FOXP2: variants seen among roughly 807,000 people sequenced by gnomAD.
The protein encoded by FOXP2 is forkhead box protein P2.
A neutral mutation model predicts 115.8 loss-of-function variants in FOXP2; 12 were observed. The observed-to-expected ratio is 0.10, with a 90% CI of 0.07 to 0.17. The LOEUF is 0.17. Among genes scored for constraint, FOXP2 ranks in the 10% least tolerant of loss-of-function variants. FOXP2 has a pLI of 1.00. For synonymous variants in FOXP2, 328 were observed against 297.7 expected (o/e 1.10, Z -1.05); for missense variants, 629 against 843.5 (o/e 0.75, Z 3.15).
At chr7:114,419,141 T>A (rs1385471428) in intron 1 of FOXP2, among the ~76,000 whole-genome samples, 1 of 151,980 alleles carries the variant, frequency 6.6e-6, no homozygotes, top group Non-Finnish European at 1.5e-5. Flanking sequence ...GGTATATGTA[T>A]GTCAAGTATA....
At chr7:114,610,651 C>T (rs1252655747) in intron 3 of FOXP2, among the ~76,000 whole-genome samples, 2 of 151,828 alleles carry the variant, frequency 1.3e-5, no homozygotes, top group Non-Finnish European at 2.9e-5. Context: ...CGCCCAGTAA[C>T]TGCTAAGAGG....
At chr7:114,330,569 A>G (rs117714788) in intron 2 of FOXP2, among the ~76,000 whole-genome samples, 8,921 of 151,044 alleles carry the variant, frequency 0.059, 335 homozygotes, top group Middle Eastern at 0.15. Context: ...ATATGCATCT[A>G]TTTGTATGAG....
chr7:114,389,977 T>G (rs1386462687), intron 2 of FOXP2, among the ~76,000 whole-genome samples: 2 of 134,830 alleles, frequency 1.5e-5, no homozygotes, highest in Non-Finnish European at 3.0e-5. Flanking sequence ...ATAGCTGAGA[T>G]CGGACCACTG....
chr7:114,462,366 CTTTT>C (rs1170387045), intron 2 of FOXP2, among the ~76,000 whole-genome samples: 3 of 89,286 alleles, frequency 3.4e-5, no homozygotes, highest in Non-Finnish European at 4.2e-5. Context: ...AGCATAATAT[CTTTT>C]TTTTTTTTTT....
chr7:114,444,432 T>G (rs1163218253), intron 2 of FOXP2, among the ~76,000 whole-genome samples: 1 of 152,216 alleles, frequency 6.6e-6, no homozygotes, highest in Admixed American at 6.5e-5. Flanking sequence ...ACAAGTGTGG[T>G]GGTGATTTTT....
intron 2 of FOXP2, among the ~76,000 whole-genome samples, chr7:114,481,762 CTCTATCTA>C (rs3028214): frequency 0.014 from 1,971 of 145,364 alleles, 22 homozygotes; most frequent in African/African-American, 0.029. Flanking sequence ...CATATGGAAA[CTCTATCTA>C]TCTATCTATC....
intron 3 of FOXP2, among the ~76,000 whole-genome samples, chr7:114,582,412 G>A (rs1801916138): frequency 6.6e-6 from 1 of 152,154 alleles, no homozygotes; most frequent in Non-Finnish European, 1.5e-5. Flanking sequence ...GACAAATCAT[G>A]TAAAATAAGG....
At chr7:114,454,988 G>A (rs893492688) in intron 2 of FOXP2, among the ~76,000 whole-genome samples, 7 of 148,932 alleles carry the variant, frequency 4.7e-5, no homozygotes, top group Non-Finnish European at 1.0e-4. Context: ...CCTGCACAAT[G>A]TGCACATGTA....
intron 2 of FOXP2, among the ~76,000 whole-genome samples, chr7:114,524,357 T>C (rs1221535482): frequency 6.6e-6 from 1 of 152,210 alleles, no homozygotes; most frequent in African/African-American, 2.4e-5. Flanking sequence ...TTGTTCTAGT[T>C]GGCATAACTA....
At chr7:114,255,146 T>C (rs1420921852) in intron 1 of FOXP2, among the ~76,000 whole-genome samples, 3 of 152,150 alleles carry the variant, frequency 2.0e-5, no homozygotes, top group Admixed American at 2.0e-4. Context: ...TGGTTTTTCC[T>C]CTAGAAGCCT....
intron 2 of FOXP2, among the ~76,000 whole-genome samples, chr7:114,300,491 T>G (rs1269423904): frequency 6.6e-6 from 1 of 152,012 alleles, no homozygotes; most frequent in Non-Finnish European, 1.5e-5. Flanking sequence ...TTATTTCAAC[T>G]TTGTTCATCA....
chr7:114,670,004 CTT>C (rs1807407201), intron 16 of FOXP2: 2 of 151,974 alleles, frequency 1.3e-5, no homozygotes, highest in African/African-American at 4.8e-5. Context: ...GTATGGAGTG[CTT>C]TACTCACAAA....
At chr7:114,314,509 A>G (rs908504546) in intron 2 of FOXP2, among the ~76,000 whole-genome samples, 10 of 152,104 alleles carry the variant, frequency 6.6e-5, no homozygotes, top group Admixed American at 5.9e-4. Context: ...ACATAGTTCA[A>G]TTGGATGAAA....
At chr7:114,156,936 A>G (rs574613425) in intron 1 of FOXP2, among the ~76,000 whole-genome samples, 1 of 152,298 alleles carries the variant, frequency 6.6e-6, no homozygotes, top group South Asian at 2.1e-4. Context: ...CTATCTCAGT[A>G]TAGATTGTCT....
At chr7:114,429,874 C>T (rs1215724140) in intron 2 of FOXP2, among the ~76,000 whole-genome samples, 1 of 151,638 alleles carries the variant, frequency 6.6e-6, no homozygotes, top group Non-Finnish European at 1.5e-5. Context: ...ACATTTGTGT[C>T]TTAAAAGCAT....
At position 114,478,290 on chromosome 7, in the gene FOXP2, G is replaced by C. The variant is rs533952594; in HGVS notation, c.168+51611G>C. ...TTGGGGCCTCTTGGATCTCTTTTAG[G>C]GCCAAGCAAATCAAAGTATTTATTG... is the stretch of plus-strand genomic sequence containing the variant. On this transcript the variant is annotated intron_variant, in intron 2 of 16. Coordinates refer to ENST00000350908, the MANE Select transcript of FOXP2 (RefSeq NM_014491.4). Among the ~76,000 whole-genome samples, 11 of 151,720 alleles carry C rather than the reference G, an allele frequency of 7.3e-5. No individual in the cohort carries two copies. The East Asian group carries it at 2.1e-3, about 29-fold the overall frequency.
chr7:114,598,060 A>G (rs1001635537), intron 3 of FOXP2, among the ~76,000 whole-genome samples: 1 of 152,198 alleles, frequency 6.6e-6, no homozygotes. Context: ...TTTAAACAAT[A>G]TATAAGTAAA....
chr7:114,621,769 A>T (rs1197110593), intron 3 of FOXP2, among the ~76,000 whole-genome samples: 2 of 152,038 alleles, frequency 1.3e-5, no homozygotes, highest in African/African-American at 4.8e-5. Context: ...TAGAAAGACA[A>T]ATCAGTGTAC....
At chr7:114,602,813 T>C (rs1298351348) in intron 3 of FOXP2, among the ~76,000 whole-genome samples, 1 of 152,184 alleles carries the variant, frequency 6.6e-6, no homozygotes, top group Non-Finnish European at 1.5e-5. Flanking sequence ...TAAAGACCAT[T>C]GTATTAAAAT....
Sources: allele counts gnomAD v4.1 joint callset (sites outside exome capture counted in the v4.1 genomes callset), GRCh38; gene constraint gnomAD v4.1.1; transcripts MANE v1.5; gene names NCBI Gene and HGNC (gene_info 2026-07-23, HGNC 2026-07-21).